ADGRV1: variants seen among roughly 807,000 people sequenced by gnomAD.
The protein encoded by ADGRV1 is adhesion G protein-coupled receptor V1, also known as G-protein coupled receptor 98.
In ADGRV1, 359 loss-of-function variants were observed where a neutral mutation model predicts 596.2. The observed-to-expected ratio is 0.60, with a 90% CI of 0.55 to 0.66. The LOEUF (loss-of-function observed/expected upper bound fraction) is 0.66. ADGRV1 is among the 30% of genes least tolerant of loss of function. The pLI, the probability that ADGRV1 is intolerant of heterozygous loss-of-function variation, is 0.00. For missense variants in ADGRV1, 7,274 were observed against 7,575.6 expected, an observed-to-expected ratio of 0.96 and a Z score of 1.48; for synonymous variants, 2,681 against 2,679.2, an observed-to-expected ratio of 1.00 and a Z score of -0.02.
At chr5:90,903,938 T>C (rs1772081767) in intron 83 of ADGRV1, among the ~76,000 whole-genome samples, 1 of 152,026 alleles carries the variant, frequency 6.6e-6, no homozygotes, top group Admixed American at 6.6e-5. Context: ...CAGCCTCTGG[T>C]AACCATCCTT....
At chr5:90,797,517 C>T (rs1333555118) in intron 70 of ADGRV1, among the ~76,000 whole-genome samples, 1 of 151,984 alleles carries the variant, frequency 6.6e-6, no homozygotes, top group Non-Finnish European at 1.5e-5. Flanking sequence ...GACTCCCACA[C>T]AATAATAATG....
intron 75 of ADGRV1, among the ~76,000 whole-genome samples, chr5:90,816,618 G>A (rs952545435): frequency 3.1e-4 from 45 of 143,756 alleles, no homozygotes; most frequent in African/African-American, 1.0e-3. Flanking sequence ...GTGTCCATGT[G>A]TTCTCATTGT....
At chr5:90,988,252 T>C (rs1307528576) in intron 85 of ADGRV1, among the ~76,000 whole-genome samples, 1 of 152,232 alleles carries the variant, frequency 6.6e-6, no homozygotes, top group Non-Finnish European at 1.5e-5. Flanking sequence ...TTATAAATCA[T>C]GTACAAGCTA....
intron 85 of ADGRV1, among the ~76,000 whole-genome samples, chr5:91,049,104 T>C (rs1187334583): frequency 2.0e-5 from 3 of 152,174 alleles, no homozygotes; most frequent in Non-Finnish European, 4.4e-5. Context: ...ACTGAACCAA[T>C]TGATAATTAT....
chr5:91,085,204 T>G lies in ADGRV1; in HGVS notation c.18310+12600T>G, dbSNP rs142195135. On this transcript the variant is annotated intron_variant, in intron 86 of 89. Coordinates refer to ENST00000405460, the MANE Select transcript of ADGRV1 (RefSeq NM_032119.4). Reference sequence around the variant, plus strand: ...GTAACAAACCTGCACGTTGTGCACATGTACCCTAGAACTTTAAGTACAGTT... The same window carrying G: ...GTAACAAACCTGCACGTTGTGCACAGGTACCCTAGAACTTTAAGTACAGTT... Among the ~76,000 whole-genome samples the G allele has an allele frequency of 9.3e-3, 1,419 of 152,298 alleles. 14 individuals carry two copies. Among genetic ancestry groups the G allele is most frequent in the African/African-American group, 0.031 (1,287 of 41,566 alleles).
At chr5:90,887,154 C>T (rs1770383671) in intron 83 of ADGRV1, among the ~76,000 whole-genome samples, 1 of 152,130 alleles carries the variant, frequency 6.6e-6, no homozygotes, top group Admixed American at 6.6e-5. Context: ...AGCTCCGGTC[C>T]ATATCACCAA....
intron 85 of ADGRV1, among the ~76,000 whole-genome samples, chr5:90,995,064 A>C (rs536033327): frequency 1.3e-4 from 20 of 152,138 alleles, no homozygotes; most frequent in Non-Finnish European, 1.9e-4. Flanking sequence ...TGGCATTTTA[A>C]ATTCCCAGGA....
At chr5:91,070,838 A>G (rs2151389568) in intron 85 of ADGRV1, among the ~76,000 whole-genome samples, 1 of 152,328 alleles carries the variant, frequency 6.6e-6, no homozygotes, top group South Asian at 2.1e-4. Flanking sequence ...TCAAGAGAGA[A>G]TAGATGGCTC....
intron 87 of ADGRV1, among the ~76,000 whole-genome samples, chr5:91,142,551 A>G (rs1795183366): frequency 6.6e-6 from 1 of 152,180 alleles, no homozygotes; most frequent in Admixed American, 6.5e-5. Context: ...AAAAGAGTGT[A>G]AAGCCCAGCT....
At chr5:90,773,084 G>A (rs1258760585) in intron 59 of ADGRV1, among the ~76,000 whole-genome samples, 2 of 151,670 alleles carry the variant, frequency 1.3e-5, no homozygotes, top group Non-Finnish European at 2.9e-5. Context: ...CAGGAGAATA[G>A]TTTGAACCTG....
At chr5:90,983,832 T>G (rs1463742685) in intron 84 of ADGRV1, among the ~76,000 whole-genome samples, 3 of 152,130 alleles carry the variant, frequency 2.0e-5, no homozygotes, top group African/African-American at 7.2e-5. Context: ...TAACCAAACA[T>G]TTTTATCCTT....
chr5:90,605,572 A>AC (rs144473732), intron 1 of ADGRV1, among the ~76,000 whole-genome samples: 6,039 of 152,234 alleles, frequency 0.04, 348 homozygotes, highest in African/African-American at 0.13. Flanking sequence ...AATCAGTCTT[A>AC]GTATGTACCA....
At chr5:90,756,062 T>A (rs1286523687) in intron 55 of ADGRV1, among the ~76,000 whole-genome samples, 1 of 151,868 alleles carries the variant, frequency 6.6e-6, no homozygotes, top group Non-Finnish European at 1.5e-5. Flanking sequence ...AATATAGGCT[T>A]ATATCTAGAT....
intron 82 of ADGRV1, among the ~76,000 whole-genome samples, chr5:90,861,007 A>T (rs1017385289): frequency 1.3e-5 from 2 of 152,120 alleles, no homozygotes; most frequent in African/African-American, 4.8e-5. Flanking sequence ...AACATTTCAT[A>T]TGTTTATATG....
chr5:90,662,187 C>CTTTTTTTTT, intron 21 of ADGRV1, among the ~76,000 whole-genome samples: 1 of 130,868 alleles, frequency 7.6e-6, no homozygotes, highest in Non-Finnish European at 1.6e-5. Flanking sequence ...GGTTAAACAA[C>CTTTTTTTTT]TTTTTTTTTT....
At chr5:90,596,751 C>CT in intron 1 of ADGRV1, among the ~76,000 whole-genome samples, 1 of 152,182 alleles carries the variant, frequency 6.6e-6, no homozygotes, top group Admixed American at 6.5e-5. Context: ...TACAGTCCAG[C>CT]TTCCGCTCGG....
chr5:90,657,759 C>T (rs1330237320), intron 20 of ADGRV1, 146 bp from the exon 21 acceptor site: 1 of 602,582 alleles, frequency 1.7e-6, no homozygotes, highest in East Asian at 3.1e-5. Context: ...AAGATAATAT[C>T]CAATTCATTG....
At chr5:90,622,984 G>T (rs186178552) in intron 5 of ADGRV1, among the ~76,000 whole-genome samples, 1 of 152,070 alleles carries the variant, frequency 6.6e-6, no homozygotes, top group African/African-American at 2.4e-5. Flanking sequence ...CAGGTGATCC[G>T]CCCGCCTTGG....
At chr5:90,937,695 G>A (rs994223151) in intron 83 of ADGRV1, among the ~76,000 whole-genome samples, 43 of 152,168 alleles carry the variant, frequency 2.8e-4, no homozygotes, top group African/African-American at 1.0e-3. Context: ...CTGACCCCAT[G>A]ATCCGCCCGC....
Sources: gnomAD v4.1 joint callset for allele counts (sites outside exome capture counted in the v4.1 genomes callset) on GRCh38, gnomAD v4.1.1 for gene constraint, MANE v1.5 for transcripts, NCBI Gene and HGNC (gene_info 2026-07-23, HGNC 2026-07-21) for gene names.